Variants in GNAO1 observed in about 807,000 individuals in gnomAD.
The protein encoded by GNAO1 is G protein subunit alpha o1, also known as guanine nucleotide-binding protein G(o) subunit alpha.
For synonymous variants in GNAO1, 164 were observed against 180.7 expected (o/e 0.91, Z 0.74); for missense variants, 166 against 478.7 (o/e 0.35, Z 6.10).
chr16:56,340,683 C>A, intron 6 of GNAO1: 1 of 703,560 alleles, frequency 1.4e-6, no homozygotes, highest in Non-Finnish European at 2.5e-6. Flanking sequence ...CTTGTGGGTC[C>A]TCCCGTCTCC....
chr16:56,355,678 A>G (rs1396249321), intron 8 of GNAO1: 3 of 152,228 alleles, frequency 2.0e-5, no homozygotes, highest in African/African-American at 7.2e-5. Flanking sequence ...TAGAAGAATC[A>G]TTGCTCCGAC....
Position 56,311,469 on chromosome 16 carries a change from G to A in GNAO1, c.304-17162G>A, listed in dbSNP as rs1417931029. On this transcript the variant is annotated intron_variant, in intron 3 of 8. Coordinates refer to ENST00000262493, the MANE Select transcript of GNAO1 (RefSeq NM_020988.3). This position sits in a 1 kb window ranked among gnomAD's most constrained non-coding sequence, Gnocchi z 5.2. The stretch of plus-strand genomic sequence containing the variant: ...CCATACCCAGAGTCACCCAGTGTCT[G>A]TCAGGGAAGATGAGGATGGCAGGGG... Among the ~76,000 whole-genome samples the A allele has an allele frequency of 1.3e-5, 2 of 152,174 alleles. No homozygotes were observed. Among genetic ancestry groups the A allele is most frequent in the African/African-American group, 4.8e-5 (2 of 41,432 alleles).
At position 56,209,384 on chromosome 16, in the gene GNAO1, T is replaced by C. The variant is rs2036363725; in HGVS notation, c.161+16768T>C. Among the ~76,000 whole-genome samples the C allele has an allele frequency of 3.9e-5, 6 of 152,326 alleles. No individual in the cohort carries two copies. The South Asian group carries it at 1.2e-3, about 32-fold the overall frequency. Reference sequence around the variant, plus strand: ...GATAGCTTTGTAACATGTCTTGATATTTGGTTTAGCAAATCCCACTCCCCT... The same window carrying C: ...GATAGCTTTGTAACATGTCTTGATACTTGGTTTAGCAAATCCCACTCCCCT... On this transcript the variant is annotated intron_variant, in intron 2 of 8. Coordinates refer to ENST00000262493, the MANE Select transcript of GNAO1 (RefSeq NM_020988.3).
At chr16:56,283,199 G>A (rs1304017311) in intron 3 of GNAO1, among the ~76,000 whole-genome samples, 1 of 152,174 alleles carries the variant, frequency 6.6e-6, no homozygotes, top group Non-Finnish European at 1.5e-5. Flanking sequence ...AGGCTACCTA[G>A]GTGCCTGGAA....
intron 2 of GNAO1, among the ~76,000 whole-genome samples, chr16:56,273,397 C>A (rs2037035164): frequency 6.6e-6 from 1 of 151,976 alleles, no homozygotes; most frequent in African/African-American, 2.4e-5. Flanking sequence ...TCTTCCATTT[C>A]TTTCCTCATT....
At chr16:56,252,738 G>A (rs1185357222) in intron 2 of GNAO1, among the ~76,000 whole-genome samples, 1 of 152,190 alleles carries the variant, frequency 6.6e-6, no homozygotes, top group African/African-American at 2.4e-5. Flanking sequence ...GAATGCTCAA[G>A]TAGACCCTTC....
chr16:56,250,745 ACT>A (rs200484342), intron 2 of GNAO1, among the ~76,000 whole-genome samples: 2,446 of 151,982 alleles, frequency 0.016, 31 homozygotes, highest in Non-Finnish European at 0.022. Flanking sequence ...TGTTAACTTC[ACT>A]CTCAGGTGGA....
chr16:56,253,389 C>T (rs2036817364), intron 2 of GNAO1, among the ~76,000 whole-genome samples: 1 of 152,196 alleles, frequency 6.6e-6, no homozygotes, highest in Non-Finnish European at 1.5e-5. Context: ...TTGAGCAGGT[C>T]CCATCCTTTC....
rs1275568778 is a variant in GNAO1 at position 56,356,356 on chromosome 16, T to C, written c.*282T>C. 4 of 152,662 alleles carry C rather than the reference T, an allele frequency of 2.6e-5. No individual in the cohort carries two copies. The highest frequency in any genetic ancestry group is 1.3e-4 in the Admixed American group (2 of 15,290). The allele number at this position is 152,662 out of a possible 1,614,324, so 9.5% of individuals were successfully genotyped here. A position where few individuals can be genotyped will look rare whatever the true frequency, so the allele number is the denominator to read the frequency against. On this transcript the variant is annotated 3_prime_UTR_variant, in exon 9 of 9. Coordinates refer to ENST00000262493, the MANE Select transcript of GNAO1 (RefSeq NM_020988.3). ...AAAAAAAGGAAAACTCACCATTTCA[T>C]CCATATTTCTTTTTCTTGCAAAACA...
chr16:56,334,078 A>G (rs2037717231), intron 4 of GNAO1, among the ~76,000 whole-genome samples: 1 of 152,250 alleles, frequency 6.6e-6, no homozygotes, highest in Non-Finnish European at 1.5e-5. Flanking sequence ...AGCAGGGGTA[A>G]AGAGCCCTGA....
In GNAO1 at chr16:56,192,366, G is replaced by C. The variant is rs1360800353; in HGVS notation, c.118+13G>C. ...TTACTCCTGCTCGGTAAGGACCGCC[G>C]CTGCTACCCCCATCCCCCGACCCCG... On this transcript the variant is annotated intron_variant, in intron 1 of 8. Transcript: ENST00000262493. The C allele has an allele frequency of 4.1e-6, 6 of 1,473,038 alleles. No homozygotes were observed. In the South Asian group the frequency reaches 6.8e-5, roughly 17 times the overall value. The allele number at this position is 1,473,038 out of a possible 1,614,324, so 91.2% of individuals were successfully genotyped here. A position where few individuals can be genotyped will look rare whatever the true frequency, so the allele number is the denominator to read the frequency against.
chr16:56,192,959 T>C, intron 2 of GNAO1: 1 of 237,380 alleles, frequency 4.2e-6, no homozygotes, highest in Non-Finnish European at 8.4e-6. Flanking sequence ...TCTCACTGCC[T>C]CCATTTCTGT....
At chr16:56,225,316 G>A (rs1351652250) in intron 2 of GNAO1, among the ~76,000 whole-genome samples, 1 of 152,210 alleles carries the variant, frequency 6.6e-6, no homozygotes, top group African/African-American at 2.4e-5. Context: ...GAATATATGG[G>A]TGGTGCCTGG....
chr16:56,234,298 T>C, intron 2 of GNAO1, among the ~76,000 whole-genome samples: 1 of 152,258 alleles, frequency 6.6e-6, no homozygotes, highest in East Asian at 1.9e-4. Context: ...CAAACACTTG[T>C]GCAGCCAGCC....
chr16:56,349,244 T>A (rs1447512661), intron 6 of GNAO1, among the ~76,000 whole-genome samples: 2 of 152,202 alleles, frequency 1.3e-5, no homozygotes, highest in African/African-American at 4.8e-5. Context: ...TAGTGGCTGC[T>A]CCTGGCAGTG....
chr16:56,269,060 C>A (rs2036987076), intron 2 of GNAO1, among the ~76,000 whole-genome samples: 1 of 152,014 alleles, frequency 6.6e-6, no homozygotes, highest in Non-Finnish European at 1.5e-5. Context: ...AGCACTGGGC[C>A]CTGACCCTAA....
intron 2 of GNAO1, among the ~76,000 whole-genome samples, chr16:56,233,602 C>G (rs944758913): frequency 6.6e-6 from 1 of 152,214 alleles, no homozygotes; most frequent in Non-Finnish European, 1.5e-5. Context: ...GCAGTGTCAT[C>G]TGAATGTTTC....
At chr16:56,308,811 T>G (rs2037424878) in intron 3 of GNAO1, among the ~76,000 whole-genome samples, 2 of 149,342 alleles carry the variant, frequency 1.3e-5, no homozygotes, top group Non-Finnish European at 3.0e-5. Context: ...CCTCATGGAG[T>G]GGAGAGGGAG....
intron 3 of GNAO1, among the ~76,000 whole-genome samples, chr16:56,324,254 G>A (rs1262753082): frequency 4.6e-5 from 7 of 152,302 alleles, no homozygotes; most frequent in South Asian, 2.1e-4. Flanking sequence ...AAATCACACC[G>A]TCTTGAGTGT....
Sources: allele counts gnomAD v4.1 joint callset (sites outside exome capture counted in the v4.1 genomes callset), GRCh38; gene constraint gnomAD v4.1.1; non-coding constraint Gnocchi (gnomAD v3.1); transcripts MANE v1.5; gene names NCBI Gene and HGNC (gene_info 2026-07-23, HGNC 2026-07-21).